Variants in ANKRD29 observed in about 807,000 individuals in gnomAD.
The protein encoded by ANKRD29 is ankyrin repeat domain 29, also known as ankyrin repeat domain-containing protein 29.
A neutral mutation model predicts 38.0 loss-of-function variants in ANKRD29; 32 were observed. That is an observed-to-expected ratio of 0.84 (90% CI 0.64 to 1.13). ANKRD29 has a LOEUF of 1.13. ANKRD29 is among the 50% of genes most tolerant of loss of function. The pLI, the probability that ANKRD29 is intolerant of heterozygous loss-of-function variation, is 0.00. For missense variants in ANKRD29, 357 were observed against 377.9 expected (o/e 0.94, Z 0.46); for synonymous variants, 135 against 152.4 (o/e 0.89, Z 0.84).
intron 8 of ANKRD29, among the ~76,000 whole-genome samples, chr18:23,615,478 G>A (rs560675146): frequency 9.9e-5 from 15 of 151,960 alleles, no homozygotes; most frequent in African/African-American, 2.7e-4. Context: ...GCAGTGCAGT[G>A]GCTCGATCAC....
intron 1 of ANKRD29, among the ~76,000 whole-genome samples, chr18:23,650,878 T>C (rs913189856): frequency 2.0e-5 from 3 of 152,218 alleles, no homozygotes; most frequent in African/African-American, 7.2e-5. Context: ...ATAAAGAATT[T>C]TGATGGTCTT....
intron 9 of ANKRD29, among the ~76,000 whole-genome samples, chr18:23,606,691 A>G (rs978507558): frequency 6.6e-6 from 1 of 152,104 alleles, no homozygotes; most frequent in African/African-American, 2.4e-5. Flanking sequence ...AAATGTTTGT[A>G]TAGAGGAATC....
At chr18:23,608,815 A>G (rs1453238285) in intron 9 of ANKRD29, among the ~76,000 whole-genome samples, 1 of 152,212 alleles carries the variant, frequency 6.6e-6, no homozygotes, top group Non-Finnish European at 1.5e-5. Context: ...TGTAGGACTA[A>G]CAAATTAGCT....
intron 9 of ANKRD29, among the ~76,000 whole-genome samples, chr18:23,611,176 TG>T (rs1451194645): frequency 6.6e-6 from 1 of 152,250 alleles, no homozygotes; most frequent in Non-Finnish European, 1.5e-5. Flanking sequence ...GGGTTTGTTT[TG>T]TAACAGTGGC....
intron 1 of ANKRD29, among the ~76,000 whole-genome samples, chr18:23,659,492 C>T (rs1288679445): frequency 6.6e-6 from 1 of 152,092 alleles, no homozygotes; most frequent in African/African-American, 2.4e-5. Flanking sequence ...TGCCTGTAAT[C>T]CCAGCACTTT....
chr18:23,639,057 T>C, intron 3 of ANKRD29, 110 bp from the exon 4 acceptor site: 1 of 766,378 alleles, frequency 1.3e-6, no homozygotes, highest in Non-Finnish European at 2.0e-6. Context: ...ACTTCTAGCC[T>C]AGGAAGGGGC....
At chr18:23,641,433 G>A (rs898821933) in intron 3 of ANKRD29, among the ~76,000 whole-genome samples, 3 of 152,260 alleles carry the variant, frequency 2.0e-5, no homozygotes, top group African/African-American at 7.2e-5. Context: ...CCGAGCCTGG[G>A]TGCTGTCTGT....
chr18:23,632,849 G>GT (rs1179062275), intron 5 of ANKRD29, among the ~76,000 whole-genome samples: 5 of 152,116 alleles, frequency 3.3e-5, no homozygotes, highest in Non-Finnish European at 7.3e-5. Context: ...AGTGCAGAGG[G>GT]TGAGGCTAGC....
At chr18:23,659,402 G>C (rs906131820) in intron 1 of ANKRD29, among the ~76,000 whole-genome samples, 1 of 152,106 alleles carries the variant, frequency 6.6e-6, no homozygotes, top group African/African-American at 2.4e-5. Flanking sequence ...CATTTCTCTT[G>C]GGTATATTCC....
chr18:23,603,008 T>C (rs1248180763), intron 9 of ANKRD29, among the ~76,000 whole-genome samples: 1 of 152,224 alleles, frequency 6.6e-6, no homozygotes, highest in Non-Finnish European at 1.5e-5. Flanking sequence ...CTGTCTATTG[T>C]GATATGCTGT....
intron 9 of ANKRD29, among the ~76,000 whole-genome samples, chr18:23,610,196 G>T (rs1288906459): frequency 3.3e-5 from 5 of 152,192 alleles, no homozygotes; most frequent in Admixed American, 6.5e-5. Context: ...TGTAGTTTAT[G>T]GCTGGGCGCA....
intron 1 of ANKRD29, among the ~76,000 whole-genome samples, chr18:23,661,363 TTTTATC>T (rs2060358210): frequency 6.6e-6 from 1 of 152,108 alleles, no homozygotes; most frequent in South Asian, 2.1e-4. Flanking sequence ...AAACCAAACG[TTTTATC>T]TTTATCTCTC....
chr18:23,628,823 G>C (rs1286852808), intron 6 of ANKRD29, among the ~76,000 whole-genome samples: 2 of 121,596 alleles, frequency 1.6e-5, no homozygotes, highest in East Asian at 4.3e-4. Context: ...GACAGAGCAA[G>C]ACGCTGTCTC....
At chr18:23,613,522 T>G (rs1353150436) in intron 8 of ANKRD29, among the ~76,000 whole-genome samples, 1 of 152,074 alleles carries the variant, frequency 6.6e-6, no homozygotes, top group Non-Finnish European at 1.5e-5. Flanking sequence ...GATTAGATTT[T>G]GCAAAGTTCA....
At chr18:23,643,470 A>G (rs2060102799) in intron 3 of ANKRD29, among the ~76,000 whole-genome samples, 1 of 152,238 alleles carries the variant, frequency 6.6e-6, no homozygotes. Flanking sequence ...TTTCTTTAGT[A>G]AGATAAATAA....
chr18:23,613,617 T>G (rs2059672852), intron 8 of ANKRD29, among the ~76,000 whole-genome samples: 3 of 150,936 alleles, frequency 2.0e-5, no homozygotes. Flanking sequence ...TTTTTTTTTT[T>G]GATACGGAGT....
At chr18:23,634,987 C>T (rs1004833445) in intron 4 of ANKRD29, among the ~76,000 whole-genome samples, 40 of 152,290 alleles carry the variant, frequency 2.6e-4, no homozygotes, top group East Asian at 1.9e-4. Context: ...ATTAAAAGAG[C>T]GGATAGCTAT....
chr18:23,653,658 G>C (rs1002133636), intron 1 of ANKRD29, among the ~76,000 whole-genome samples: 1 of 142,258 alleles, frequency 7.0e-6, no homozygotes, highest in Non-Finnish European at 1.5e-5. Flanking sequence ...ATGGAGTCTC[G>C]ATCCGTTGCC....
chr18:23,646,348 A>C (rs1350976271), intron 2 of ANKRD29, 61 bp from the exon 3 acceptor site: 1 of 1,469,862 alleles, frequency 6.8e-7, no homozygotes, highest in Non-Finnish European at 9.4e-7. Flanking sequence ...GAAGGGTCCT[A>C]GAGAAGATGC....
Sources: gnomAD v4.1 joint callset for allele counts (sites outside exome capture counted in the v4.1 genomes callset) on GRCh38, gnomAD v4.1.1 for gene constraint, MANE v1.5 for transcripts, NCBI Gene and HGNC (gene_info 2026-07-23, HGNC 2026-07-21) for gene names.